The following CNTNAP3B variants were observed in gnomAD, a reference collection of about 807,000 sequenced individuals.
The protein encoded by CNTNAP3B is contactin-associated protein-like 3B.
Under a neutral mutation model 108.9 loss-of-function variants are expected in CNTNAP3B, and 25 were observed. The ratio of observed to expected loss-of-function variants is 0.23; its 90% CI spans 0.17 to 0.32. CNTNAP3B has a LOEUF of 0.32. Among genes scored for constraint, CNTNAP3B ranks in the 10% least tolerant of loss-of-function variants. The pLI is 1.00. For synonymous variants in CNTNAP3B, 103 were observed against 473.4 expected, an observed-to-expected ratio of 0.22 and a Z score of 10.16; for missense variants, 252 against 1,210.4, an observed-to-expected ratio of 0.21 and a Z score of 11.75.
rs1190771976 is a variant in CNTNAP3B, at chr9:41,969,997, C to G, written c.1649+77G>C. The G allele has an allele frequency of 1.9e-5, 22 of 1,183,714 alleles. 4 individuals are homozygous for G. The Admixed American group carries it at 5.2e-4, about 28-fold the overall frequency. 73.3% of individuals were successfully genotyped at this position (1,183,714 alleles called of 1,614,324 possible). ...CAACAACGAAAAAGAGAACGGAATG[C>G]CTTTTTCCAGCTCTCTACATTTGCT... is the stretch of plus-strand genomic sequence containing the variant. On this transcript the variant is annotated intron_variant, in intron 10 of 23. Coordinates refer to ENST00000377561, the MANE Select transcript of CNTNAP3B (RefSeq NM_001201380.3).
chr9:41,973,525 T>C (rs567678734), intron 9 of CNTNAP3B, among the ~76,000 whole-genome samples: 2 of 126,768 alleles, frequency 1.6e-5, no homozygotes, highest in Non-Finnish European at 3.3e-5. Context: ...AAGTTCTTGG[T>C]CTAGCAGATT....
At chr9:41,930,349 C>T (rs1823941994) in intron 14 of CNTNAP3B, among the ~76,000 whole-genome samples, 1 of 152,288 alleles carries the variant, frequency 6.6e-6, no homozygotes, top group Non-Finnish European at 1.5e-5. Context: ...TCGAAACCAG[C>T]CTGGGCAACA....
chr9:41,997,352 C>G (rs1158699501), intron 6 of CNTNAP3B, among the ~76,000 whole-genome samples: 2 of 152,212 alleles, frequency 1.3e-5, no homozygotes, highest in African/African-American at 4.8e-5. Flanking sequence ...ATTTCCTAAA[C>G]CTAACACTGA....
At chr9:41,950,750 T>C (rs1362947981) in intron 13 of CNTNAP3B, among the ~76,000 whole-genome samples, 3 of 39,694 alleles carry the variant, frequency 7.6e-5, no homozygotes, top group Non-Finnish European at 1.7e-4. Context: ...AGGAATTCTT[T>C]TTTTTTTTTT....
intron 3 of CNTNAP3B, among the ~76,000 whole-genome samples, chr9:42,062,621 C>G (rs1282224391): frequency 8.4e-6 from 1 of 119,480 alleles, no homozygotes; most frequent in Non-Finnish European, 1.7e-5. Flanking sequence ...GTAATTGTTG[C>G]CAGGTAAGAA....
chr9:41,930,110 TA>T (rs1303733421), intron 14 of CNTNAP3B, among the ~76,000 whole-genome samples: 1 of 152,306 alleles, frequency 6.6e-6, no homozygotes, highest in Non-Finnish European at 1.5e-5. Flanking sequence ...GATTACTGGG[TA>T]TTTCTTTCCT....
At chr9:42,011,985 G>T (rs1415515066) in intron 4 of CNTNAP3B, among the ~76,000 whole-genome samples, 1 of 97,656 alleles carries the variant, frequency 1.0e-5, no homozygotes, top group Non-Finnish European at 2.2e-5. Flanking sequence ...GAAGTTAACG[G>T]TGCCAGCAGA....
intron 11 of CNTNAP3B, among the ~76,000 whole-genome samples, chr9:41,963,522 T>A (rs1456072686): frequency 2.7e-5 from 4 of 150,132 alleles, no homozygotes. Flanking sequence ...CAGAGGCAGT[T>A]GAGAAGTGTT....
rs546566987 is a variant in CNTNAP3B, at chr9:42,054,688, T to A, written c.390+22181A>T. On this transcript the variant is annotated intron_variant, in intron 3 of 23. Transcript: ENST00000377561. ...TTAAACATGGGAAAAAAAGACTCAT[T>A]AATTTAAAAAACACCACTAAAATAA... is the stretch of plus-strand genomic sequence containing the variant. Among the ~76,000 whole-genome samples, 3 of 152,026 alleles carry A rather than the reference T, an allele frequency of 2.0e-5. No individual in the cohort carries two copies. In the East Asian group the frequency reaches 5.8e-4, roughly 29 times the overall value.
intron 3 of CNTNAP3B, among the ~76,000 whole-genome samples, chr9:42,063,641 C>T (rs1347138187): frequency 7.3e-6 from 1 of 136,724 alleles, no homozygotes; most frequent in Non-Finnish European, 1.6e-5. Context: ...GCCTTCCTGC[C>T]TGCCTTTTTT....
At chr9:42,033,941 T>A in intron 3 of CNTNAP3B, among the ~76,000 whole-genome samples, 1 of 86,246 alleles carries the variant, frequency 1.2e-5, no homozygotes, top group Non-Finnish European at 2.4e-5. Context: ...GTAGAGATAA[T>A]GTTTTTAATG....
chr9:41,964,112 C>T (rs1426474607), intron 11 of CNTNAP3B, among the ~76,000 whole-genome samples: 1 of 152,304 alleles, frequency 6.6e-6, no homozygotes, highest in African/African-American at 2.4e-5. Context: ...GTTAAAAAAT[C>T]TTTAAATACC....
rs1451329658 is a variant in CNTNAP3B, at chr9:42,076,422, G to T, written c.390+447C>A. 1.6e-5 allele frequency among the ~76,000 whole-genome samples: 2 copies of T among 124,670 alleles called. 1 individual carries two copies. Among genetic ancestry groups the T allele is most frequent in the Non-Finnish European group, 3.3e-5 (2 of 60,926 alleles). The allele number at this position is 124,670 out of a possible 152,430, so 81.8% of individuals were successfully genotyped here. A position where few individuals can be genotyped will look rare whatever the true frequency, so the allele number is the denominator to read the frequency against. ...GTCTGGGTGATAACAGCGAAACTCT[G>T]TCTCTAAAAAAAAAAAAAAAAAACA... On this transcript the variant is annotated intron_variant, in intron 3 of 23. Transcript: ENST00000377561.
chr9:41,954,847 C>T (rs549766259), intron 12 of CNTNAP3B, among the ~76,000 whole-genome samples: 105 of 152,324 alleles, frequency 6.9e-4, no homozygotes, highest in South Asian at 2.3e-3. Flanking sequence ...CCACACCTGG[C>T]TAATTTTTGT....
At chr9:41,982,063 CAAAAA>C (rs541712479) in intron 9 of CNTNAP3B, among the ~76,000 whole-genome samples, 2 of 42,406 alleles carry the variant, frequency 4.7e-5, no homozygotes, top group African/African-American at 2.7e-4. Flanking sequence ...TCTAAAGTCT[CAAAAA>C]AAAAAAAAAA....
intron 13 of CNTNAP3B, among the ~76,000 whole-genome samples, chr9:41,940,695 G>A (rs1366253900): frequency 3.3e-5 from 5 of 152,114 alleles, no homozygotes; most frequent in Non-Finnish European, 5.9e-5. Context: ...GGAGCCTGTA[G>A]TCCCAGCTAC....
intron 17 of CNTNAP3B, among the ~76,000 whole-genome samples, chr9:41,920,905 T>C (rs1823649159): frequency 6.6e-6 from 1 of 152,292 alleles, no homozygotes; most frequent in Admixed American, 6.5e-5. Flanking sequence ...TAAACAGTAA[T>C]TGAATACTGC....
intron 13 of CNTNAP3B, among the ~76,000 whole-genome samples, chr9:41,941,482 A>G (rs1824341097): frequency 1.3e-5 from 2 of 151,456 alleles, no homozygotes; most frequent in South Asian, 2.1e-4. Context: ...CACCAGGAAG[A>G]CATAAATGCA....
intron 17 of CNTNAP3B, among the ~76,000 whole-genome samples, chr9:41,921,787 C>T (rs1479670018): frequency 2.7e-4 from 41 of 150,600 alleles, no homozygotes; most frequent in Non-Finnish European, 5.5e-4. Flanking sequence ...GATGAGAGAG[C>T]CCCAGAAGTG....
Sources: gnomAD v4.1 joint callset for allele counts (sites outside exome capture counted in the v4.1 genomes callset) on GRCh38, gnomAD v4.1.1 for gene constraint, MANE v1.5 for transcripts, NCBI Gene and HGNC (gene_info 2026-07-23, HGNC 2026-07-21) for gene names.